The following RIT2 variants were observed in gnomAD, a reference collection of about 807,000 sequenced individuals.
RIT2 encodes the protein Ras like without CAAX 2.
In RIT2, 24 loss-of-function variants were observed where a neutral mutation model predicts 23.7. That is an observed-to-expected ratio of 1.01 (90% confidence interval 0.73 to 1.43). The LOEUF (loss-of-function observed/expected upper bound fraction) is 1.43. RIT2 is among the 40% of genes most tolerant of loss of function. RIT2 has a pLI of 0.00. For synonymous variants in RIT2, 107 were observed against 91.1 expected (o/e 1.17, Z -0.99); for missense variants, 236 against 266.9 (o/e 0.88, Z 0.81).
At chr18:42,781,232 G>A (rs1913804960) in intron 4 of RIT2, among the ~76,000 whole-genome samples, 1 of 151,942 alleles carries the variant, frequency 6.6e-6, no homozygotes, top group African/African-American at 2.4e-5. Context: ...TATAAATGAT[G>A]TTTTCCTGAT....
intron 4 of RIT2, among the ~76,000 whole-genome samples, chr18:42,757,979 C>G (rs1048889680): frequency 7.2e-5 from 11 of 152,004 alleles, no homozygotes; most frequent in Non-Finnish European, 1.2e-4. Context: ...AGTTTGATAC[C>G]TCTATCTGGG....
At chr18:42,992,230 C>T (rs549745116) in intron 2 of RIT2, among the ~76,000 whole-genome samples, 10 of 152,236 alleles carry the variant, frequency 6.6e-5, no homozygotes, top group African/African-American at 2.4e-4. Context: ...AACCTAAATG[C>T]CTTATTTTCT....
rs191629321 is a variant in RIT2, at chr18:42,922,787, C to T, written c.426+785G>A. ...TTCTTCCTTATCAATTTTGTTTGTT[C>T]GGAGAAGTTTTGAGACTCTCTATTG... On this transcript the variant is annotated intron_variant, in intron 4 of 4. Coordinates refer to ENST00000326695, the MANE Select transcript of RIT2 (RefSeq NM_002930.4). Among the ~76,000 whole-genome samples, 410 of 152,122 alleles carry T rather than the reference C, an allele frequency of 2.7e-3. 2 individuals are homozygous for T. The highest frequency in any genetic ancestry group is 9.3e-3 in the African/African-American group (385 of 41,518).
chr18:42,949,686 A>T (rs534024499), intron 3 of RIT2, among the ~76,000 whole-genome samples: 2 of 152,198 alleles, frequency 1.3e-5, no homozygotes, highest in African/African-American at 4.8e-5. Flanking sequence ...TTCGATTCTG[A>T]CAACTTTCAC....
At chr18:42,832,793 C>T (rs1906495582) in intron 4 of RIT2, among the ~76,000 whole-genome samples, 1 of 151,980 alleles carries the variant, frequency 6.6e-6, no homozygotes, top group African/African-American at 2.4e-5. Flanking sequence ...TGGCTCAGTC[C>T]TGTAATCCCA....
intron 2 of RIT2, among the ~76,000 whole-genome samples, chr18:43,013,224 G>A (rs1384296727): frequency 1.3e-5 from 2 of 151,730 alleles, no homozygotes; most frequent in African/African-American, 2.4e-5. Flanking sequence ...CCAAATTCTG[G>A]CACTTTTGTT....
At chr18:42,898,271 G>A (rs904616730) in intron 4 of RIT2, among the ~76,000 whole-genome samples, 7 of 152,104 alleles carry the variant, frequency 4.6e-5, no homozygotes, top group African/African-American at 1.4e-4. Context: ...GCGGGTGCCT[G>A]TAGTCCCAGC....
At chr18:42,758,680 A>ATTTTT (rs11371811) in intron 4 of RIT2, among the ~76,000 whole-genome samples, 4 of 139,846 alleles carry the variant, frequency 2.9e-5, no homozygotes, top group Non-Finnish European at 3.1e-5. Flanking sequence ...CACCCGGCTA[A>ATTTTT]TTTTTTTTTT....
intron 3 of RIT2, among the ~76,000 whole-genome samples, chr18:42,966,946 T>C (rs951481233): frequency 6.6e-6 from 1 of 152,100 alleles, no homozygotes; most frequent in Non-Finnish European, 1.5e-5. Context: ...CTAAACCTAA[T>C]GTACTCACTA....
intron 4 of RIT2, among the ~76,000 whole-genome samples, chr18:42,801,228 G>T (rs1905533005): frequency 6.6e-6 from 1 of 152,088 alleles, no homozygotes; most frequent in Non-Finnish European, 1.5e-5. Flanking sequence ...TAATTACACA[G>T]ACAATCAGCC....
intron 3 of RIT2, among the ~76,000 whole-genome samples, chr18:42,929,731 T>C (rs1254796232): frequency 6.6e-6 from 1 of 152,194 alleles, no homozygotes; most frequent in Non-Finnish European, 1.5e-5. Context: ...AATGCCCTTC[T>C]GGGCTTGGGA....
At chr18:43,022,574 T>A (rs1376896518) in intron 2 of RIT2, among the ~76,000 whole-genome samples, 3 of 152,088 alleles carry the variant, frequency 2.0e-5, no homozygotes, top group African/African-American at 7.2e-5. Flanking sequence ...CCATTAAATA[T>A]GCATAAATAT....
rs192173784 is a variant in RIT2, at chr18:42,870,607, G to A, written c.426+52965C>T. Among the ~76,000 whole-genome samples the A allele has an allele frequency of 5.3e-5, 8 of 152,116 alleles. No individual in the cohort carries two copies. In the East Asian group the frequency reaches 1.5e-3, roughly 29 times the overall value. ...AAGGTATGAAATCCTTTTGAAACAAGGACTCATCTTTAAAACGCTACTACT... is the reference window on the plus strand; with the variant it reads ...AAGGTATGAAATCCTTTTGAAACAAAGACTCATCTTTAAAACGCTACTACT... On this transcript the variant is annotated intron_variant, in intron 4 of 4. Coordinates refer to ENST00000326695, the MANE Select transcript of RIT2 (RefSeq NM_002930.4).
At chr18:42,963,760 G>A (rs926670480) in intron 3 of RIT2, among the ~76,000 whole-genome samples, 5 of 152,042 alleles carry the variant, frequency 3.3e-5, no homozygotes, top group Non-Finnish European at 5.9e-5. Context: ...GCTGAACATG[G>A]TGGCAGGCAC....
intron 1 of RIT2, among the ~76,000 whole-genome samples, chr18:43,043,783 G>C (rs1051769258): frequency 6.6e-6 from 1 of 151,864 alleles, no homozygotes; most frequent in African/African-American, 2.4e-5. Flanking sequence ...TGGGCAACAA[G>C]AGCGAAACTC....
intron 4 of RIT2, among the ~76,000 whole-genome samples, chr18:42,868,727 A>G (rs1907537727): frequency 6.6e-6 from 1 of 152,198 alleles, no homozygotes; most frequent in Non-Finnish European, 1.5e-5. Context: ...AAGGTTCACC[A>G]ATGACTTAAA....
intron 1 of RIT2, among the ~76,000 whole-genome samples, chr18:43,061,169 C>T (rs1027874812): frequency 5.9e-5 from 9 of 152,070 alleles, no homozygotes; most frequent in African/African-American, 2.2e-4. Context: ...AAAACCAGTC[C>T]TCTCAACCAT....
chr18:43,048,323 T>C (rs1030572449), intron 1 of RIT2, among the ~76,000 whole-genome samples: 24 of 152,180 alleles, frequency 1.6e-4, no homozygotes, highest in African/African-American at 5.8e-4. Context: ...TCTGCTGATA[T>C]AAATAAATGC....
chr18:42,984,225 A>G (rs938229315), intron 2 of RIT2, among the ~76,000 whole-genome samples: 1 of 152,124 alleles, frequency 6.6e-6, no homozygotes, highest in Non-Finnish European at 1.5e-5. Context: ...CTGTTGAATA[A>G]TAAAAAAGCA....
Sources: allele counts gnomAD v4.1 joint callset (sites outside exome capture counted in the v4.1 genomes callset), GRCh38; gene constraint gnomAD v4.1.1; transcripts MANE v1.5; gene names NCBI Gene and HGNC (gene_info 2026-07-23, HGNC 2026-07-21).